WDPCP: variants seen among roughly 807,000 people sequenced by gnomAD.
The protein encoded by WDPCP is WD repeat containing planar cell polarity effector.
In WDPCP, 71 loss-of-function variants were observed where a neutral mutation model predicts 93.1. That is an observed-to-expected ratio of 0.76 (90% confidence interval 0.63 to 0.93). WDPCP has a LOEUF of 0.93. Ranked by LOEUF, WDPCP falls within the 40% of genes least tolerant of loss-of-function variation. The pLI is 0.00. For synonymous variants in WDPCP, 315 were observed against 315.0 expected (o/e 1.00, Z 0.00); for missense variants, 844 against 887.4 (o/e 0.95, Z 0.62).
chr2:63,137,667 C>T (rs1670722104), intron 17 of WDPCP, among the ~76,000 whole-genome samples: 1 of 152,032 alleles, frequency 6.6e-6, no homozygotes. Flanking sequence ...AGGTTTTCTT[C>T]TAGGGTTTTT....
intron 1 of WDPCP, among the ~76,000 whole-genome samples, chr2:63,528,033 T>G (rs1408069824): frequency 1.3e-5 from 2 of 152,100 alleles, no homozygotes; most frequent in African/African-American, 4.8e-5. Context: ...GAGAAGTGTC[T>G]ATTCATATCC....
intron 1 of WDPCP, among the ~76,000 whole-genome samples, chr2:63,504,411 G>A (rs912352659): frequency 3.3e-5 from 5 of 150,962 alleles, no homozygotes; most frequent in African/African-American, 7.3e-5. Context: ...TTTCTGGGCA[G>A]GGAATAGCAG....
At chr2:63,766,559 T>C (rs1369055122) in intron 2 of WDPCP, among the ~76,000 whole-genome samples, 1 of 149,464 alleles carries the variant, frequency 6.7e-6, no homozygotes, top group Admixed American at 6.7e-5. Flanking sequence ...ACTTAATCTA[T>C]GGATTTCTGT....
intron 15 of WDPCP, among the ~76,000 whole-genome samples, chr2:63,166,023 T>G (rs990211812): frequency 2.6e-5 from 4 of 151,906 alleles, no homozygotes; most frequent in African/African-American, 9.7e-5. Flanking sequence ...AGTTTTTTGT[T>G]TGTTTTGTTT....
At chr2:63,146,928 C>T (rs4671458) in intron 17 of WDPCP, among the ~76,000 whole-genome samples, 24,273 of 152,130 alleles carry the variant, frequency 0.16, 2,579 homozygotes, top group Admixed American at 0.22. Context: ...TAGAACTTTA[C>T]TGTATATTTA....
intron 1 of WDPCP, among the ~76,000 whole-genome samples, chr2:63,503,571 A>C (rs980058982): frequency 6.6e-6 from 1 of 152,154 alleles, no homozygotes; most frequent in Non-Finnish European, 1.5e-5. Flanking sequence ...GATCTTCAAA[A>C]ATATGAACTT....
chr2:63,289,367 A>G lies in WDPCP; in HGVS notation c.1812+23881T>C, dbSNP rs533331857. On this transcript the variant is annotated intron_variant, in intron 13 of 17. Coordinates refer to ENST00000272321, the MANE Select transcript of WDPCP (RefSeq NM_015910.7). ...GCTACATGTTATAATCATCCTACACATTTTGATATATTATGTTCTCATTTT... is the reference window on the plus strand; with the variant it reads ...GCTACATGTTATAATCATCCTACACGTTTTGATATATTATGTTCTCATTTT... 3.9e-5 allele frequency among the ~76,000 whole-genome samples: 6 copies of G among 152,178 alleles called. No homozygotes were observed. In the South Asian group the frequency reaches 1.2e-3, roughly 32 times the overall value.
intron 13 of WDPCP, among the ~76,000 whole-genome samples, chr2:63,281,616 T>C (rs181635400): frequency 1.1e-3 from 170 of 152,262 alleles, no homozygotes; most frequent in African/African-American, 3.9e-3. Context: ...AAATGTGATA[T>C]ATATATACTA....
chr2:63,455,884 C>T (rs1203204029), intron 6 of WDPCP, among the ~76,000 whole-genome samples: 3 of 152,242 alleles, frequency 2.0e-5, no homozygotes, highest in East Asian at 3.9e-4. Flanking sequence ...ACATTCTTCT[C>T]ATCAGTACAT....
At chr2:63,767,643 AC>A (rs1170256686) in intron 2 of WDPCP, among the ~76,000 whole-genome samples, 2 of 152,038 alleles carry the variant, frequency 1.3e-5, no homozygotes, top group African/African-American at 2.4e-5. Flanking sequence ...ATCTTCTTTG[AC>A]AAAAAGTCTG....
intron 6 of WDPCP, among the ~76,000 whole-genome samples, chr2:63,468,071 A>G (rs1354914995): frequency 6.6e-6 from 1 of 152,194 alleles, no homozygotes; most frequent in Non-Finnish European, 1.5e-5. Flanking sequence ...GGGCCAGCCC[A>G]ATCCTGTCCA....
intron 1 of WDPCP, among the ~76,000 whole-genome samples, chr2:63,582,831 T>A (rs1296607227): frequency 6.6e-6 from 1 of 152,148 alleles, no homozygotes; most frequent in Non-Finnish European, 1.5e-5. Flanking sequence ...GGTGAAAATA[T>A]CTTTCAAACA....
intron 17 of WDPCP, among the ~76,000 whole-genome samples, chr2:63,142,973 G>C (rs1217539506): frequency 6.6e-6 from 1 of 151,714 alleles, no homozygotes; most frequent in Non-Finnish European, 1.5e-5. Flanking sequence ...CATATTTTGA[G>C]ACAGAGTTTT....
chr2:63,662,442 C>A (rs1313868242), intron 2 of WDPCP, among the ~76,000 whole-genome samples: 4 of 152,124 alleles, frequency 2.6e-5, no homozygotes, highest in African/African-American at 9.7e-5. Context: ...CACGAGATTT[C>A]TGGATCAGAG....
rs1480455924 is a variant in WDPCP at position 63,457,876 on chromosome 2, A to C, written c.385-18005T>G. 3.3e-5 allele frequency among the ~76,000 whole-genome samples: 5 copies of C among 152,334 alleles called. No homozygotes were observed. In the East Asian group the frequency reaches 9.6e-4, roughly 29 times the overall value. ...ATACGGTGGCTCACGCCTGTAACCC[A>C]GCACTTTGGGAGGCCAAGGCAGGCA... On this transcript the variant is annotated intron_variant, in intron 6 of 17. Transcript: ENST00000272321.
At chr2:63,350,806 T>C (rs1325520320) in intron 12 of WDPCP, among the ~76,000 whole-genome samples, 1 of 152,178 alleles carries the variant, frequency 6.6e-6, no homozygotes, top group Non-Finnish European at 1.5e-5. Flanking sequence ...ATTATAAGCT[T>C]CTATGGTGCT....
intron 2 of WDPCP, among the ~76,000 whole-genome samples, chr2:63,733,467 G>T (rs1017614821): frequency 6.6e-6 from 1 of 152,002 alleles, no homozygotes; most frequent in Admixed American, 6.5e-5. Flanking sequence ...CTCCCAAAGT[G>T]CTGGGATTAC....
rs577497690 is a variant in WDPCP, at chr2:63,272,122, C to A, written c.1813-12713G>T. 2.0e-5 allele frequency among the ~76,000 whole-genome samples: 3 copies of A among 152,336 alleles called. No homozygotes were observed. In the East Asian group the frequency reaches 5.8e-4, roughly 29 times the overall value. On this transcript the variant is annotated intron_variant, in intron 13 of 17. Transcript: ENST00000272321. ...GTGCACATCCAGCCCACCACCACCA[C>A]CACTATTGCTGCCTGAAGACCAGCC... is the stretch of plus-strand genomic sequence containing the variant.
chr2:63,578,634 C>T (rs1248590124), intron 1 of WDPCP, among the ~76,000 whole-genome samples: 1 of 152,104 alleles, frequency 6.6e-6, no homozygotes, highest in Non-Finnish European at 1.5e-5. Context: ...ACAACAGCAG[C>T]GATGAACTCC....
Sources: gnomAD v4.1 joint callset for allele counts (sites outside exome capture counted in the v4.1 genomes callset) on GRCh38, gnomAD v4.1.1 for gene constraint, MANE v1.5 for transcripts, NCBI Gene and HGNC (gene_info 2026-07-23, HGNC 2026-07-21) for gene names.